TF: variants seen among roughly 807,000 people sequenced by gnomAD.
TF encodes the protein transferrin.
A neutral mutation model predicts 82.4 loss-of-function variants in TF; 55 were observed. That is an observed-to-expected ratio of 0.67 (90% CI 0.54 to 0.84). The LOEUF (loss-of-function observed/expected upper bound fraction) is 0.84, where lower values mean the gene tolerates loss of function less well. Among genes scored for constraint, TF ranks in the 40% least tolerant of loss-of-function variants. The pLI, the probability that TF is intolerant of heterozygous loss-of-function variation, is 0.00. For synonymous variants in TF, 332 were observed against 332.6 expected, an observed-to-expected ratio of 1.00 and a Z score of 0.02; for missense variants, 737 against 868.4, an observed-to-expected ratio of 0.85 and a Z score of 1.90.
At chr3:133,689,546 C>A in the TF span, among the ~76,000 whole-genome samples, 2 of 151,812 alleles carry the variant, frequency 1.3e-5, no homozygotes, top group African/African-American at 4.8e-5. Flanking sequence ...TTATAAAATT[C>A]TTGAGAAAAA....
rs1357076376 is a variant in TF, at chr3:133,792,582, A to G, written c.*13962A>G. The G allele has an allele frequency of 6.6e-6, 1 of 152,216 alleles. No individual in the cohort carries two copies. Among genetic ancestry groups the G allele is most frequent in the African/African-American group, 2.4e-5 (1 of 41,456 alleles). 9.4% of individuals were successfully genotyped at this position (152,216 alleles called of 1,614,324 possible). A position where few individuals can be genotyped will look rare whatever the true frequency, so the allele number is the denominator to read the frequency against. On this transcript the variant is annotated 3_prime_UTR_variant, in exon 17 of 17. Transcript: ENST00000402696. ...AAATCCTTAACTTACCAAAGTTTTC[A>G]CCAAAAGTAAAACTCGCTAAGAGTT... is the stretch of plus-strand genomic sequence containing the variant.
intron 3 of TF, among the ~76,000 whole-genome samples, chr3:133,754,276 C>G (rs1040237170): frequency 2.0e-5 from 3 of 152,158 alleles, no homozygotes; most frequent in African/African-American, 7.2e-5. Flanking sequence ...GCCTTCTTGC[C>G]CCTGTTTGCC....
rs924403908 is a variant in TF at position 133,788,880 on chromosome 3, A to G, written c.*10260A>G. The G allele has an allele frequency of 2.0e-5, 3 of 152,226 alleles. No homozygotes were observed. Among genetic ancestry groups the G allele is most frequent in the African/African-American group, 7.2e-5 (3 of 41,460 alleles). The allele number at this position is 152,226 out of a possible 1,614,324, so 9.4% of individuals were successfully genotyped here. On this transcript the variant is annotated 3_prime_UTR_variant, in exon 17 of 17. Coordinates refer to ENST00000402696, the MANE Select transcript of TF (RefSeq NM_001063.4). ...GGCTAAGGACAAAAGAAGCCTACTCAGCTTCCATTTCCTATCATTACAGTT... is the reference window on the plus strand; with the variant it reads ...GGCTAAGGACAAAAGAAGCCTACTCGGCTTCCATTTCCTATCATTACAGTT...
chr3:133,695,526 G>A, the TF span, among the ~76,000 whole-genome samples: 22,280 of 152,126 alleles, frequency 0.15, 2,167 homozygotes, highest in Middle Eastern at 0.23. Flanking sequence ...GATTACAGGC[G>A]TGAGCCACCA....
the TF span, among the ~76,000 whole-genome samples, chr3:133,731,264 G>A: frequency 6.6e-6 from 1 of 152,166 alleles, no homozygotes; most frequent in Non-Finnish European, 1.5e-5. Flanking sequence ...TGAAGGTCTT[G>A]GGACTTGACC....
In TF at chr3:133,788,262, G is replaced by A. The variant is rs1245791427; in HGVS notation, c.*9642G>A. 6.6e-6 allele frequency: 1 copy of A among 152,188 alleles called. No homozygotes were observed. Among genetic ancestry groups the A allele is most frequent in the Non-Finnish European group, 1.5e-5 (1 of 68,050 alleles). 9.4% of individuals were successfully genotyped at this position (152,188 alleles called of 1,614,324 possible). A position where few individuals can be genotyped will look rare whatever the true frequency, so the allele number is the denominator to read the frequency against. On this transcript the variant is annotated 3_prime_UTR_variant, in exon 17 of 17. Coordinates refer to ENST00000402696, the MANE Select transcript of TF (RefSeq NM_001063.4). ...TCCATTTACATAGGGCGTACATCAAGTAAATGACTAGGGTGTATACTAAGT... is the reference window on the plus strand; with the variant it reads ...TCCATTTACATAGGGCGTACATCAAATAAATGACTAGGGTGTATACTAAGT...
chr3:133,744,644 A>T (rs1933456406), upstream of TF, among the ~76,000 whole-genome samples: 2 of 152,210 alleles, frequency 1.3e-5, no homozygotes, highest in South Asian at 4.1e-4. Flanking sequence ...AAGACAGGGC[A>T]GCAGTGGTCA....
chr3:133,675,242 C>CAAAAAAAAAAAAAAAAAAAAAAAAAA, the TF span, among the ~76,000 whole-genome samples: 1 of 55,450 alleles, frequency 1.8e-5, no homozygotes, highest in Non-Finnish European at 3.2e-5. Flanking sequence ...GAGACTCTGT[C>CAAAAAAAAAAAAAAAAAAAAAAAAAA]AAAAAAAAAA....
In TF at chr3:133,775,576, G is replaced by T. The variant is rs1452737108; in HGVS notation, c.1831G>T (p.Asp611Tyr). 4.3e-6 allele frequency: 7 copies of T among 1,614,132 alleles called. No homozygotes were observed. The East Asian group carries it at 1.6e-4, about 36-fold the overall frequency. The change falls in exon 15 of 17, where the codon GAT (aspartate) becomes TAT (tyrosine). Residue 611 changes from aspartate (D) to tyrosine (Y), a missense_variant. Transcript: ENST00000402696. ...APNHAVVTRKDKEACVHKILR... is the reference protein window; with the variant it reads ...APNHAVVTRKYKEACVHKILR... ...GAATCACGCTGTGGTCACACGGAAA[G>T]ATAAGGAAGCTTGCGTCCACAAGAT...
the TF span, among the ~76,000 whole-genome samples, chr3:133,676,107 C>G: frequency 6.6e-6 from 1 of 152,222 alleles, no homozygotes; most frequent in South Asian, 2.1e-4. Flanking sequence ...GACAGTGCTT[C>G]CAGTACTTTT....
the TF span, among the ~76,000 whole-genome samples, chr3:133,712,211 C>T: frequency 3.4e-4 from 52 of 152,304 alleles, no homozygotes; most frequent in East Asian, 9.5e-3. Flanking sequence ...CTGATTTCCT[C>T]ATGGTGGTGC....
intron 3 of TF, chr3:133,754,031 A>G (rs2107913345): frequency 2.1e-6 from 1 of 475,968 alleles, no homozygotes; most frequent in African/African-American, 2.0e-5. Context: ...CTCTGGAGCC[A>G]TAGGTACCAC....
intron 3 of TF, chr3:133,754,197 G>T: frequency 8.8e-6 from 4 of 453,288 alleles, no homozygotes; most frequent in South Asian, 2.2e-5. Context: ...GGTGGCTGAG[G>T]TTGGTAGGTG....
Position 133,789,961 on chromosome 3 carries a change from A to G in TF, c.*11341A>G, listed in dbSNP as rs939577630. ...TAAATCTTCTGGGTTACTGGCAAAA[A>G]TACGTATGTATTAACTTTGAGGCTC... On this transcript the variant is annotated 3_prime_UTR_variant, in exon 17 of 17. Coordinates refer to ENST00000402696, the MANE Select transcript of TF (RefSeq NM_001063.4). The G allele has an allele frequency of 2.7e-5, 4 of 148,534 alleles. No homozygotes were observed. Among genetic ancestry groups the G allele is most frequent in the Admixed American group, 1.4e-4 (2 of 14,674 alleles). 9.2% of individuals were successfully genotyped at this position (148,534 alleles called of 1,614,324 possible). A position where few individuals can be genotyped will look rare whatever the true frequency, so the allele number is the denominator to read the frequency against.
chr3:133,756,197 G>A, intron 5 of TF, 85 bp from the exon 6 acceptor site: 2 of 1,348,184 alleles, frequency 1.5e-6, no homozygotes, highest in African/African-American at 1.4e-5. Flanking sequence ...CCTAGTGTGA[G>A]TGCTGGACAG....
At chr3:133,732,215 G>A in the TF span, among the ~76,000 whole-genome samples, 85 of 152,326 alleles carry the variant, frequency 5.6e-4, no homozygotes, top group African/African-American at 2.0e-3. Flanking sequence ...ACTCTATGAA[G>A]CAGGCATTAT....
the TF span, among the ~76,000 whole-genome samples, chr3:133,706,388 T>TC: frequency 6.6e-6 from 1 of 152,158 alleles, no homozygotes; most frequent in African/African-American, 2.4e-5. Flanking sequence ...GGCAAGTTCC[T>TC]CCGTTTTGTG....
chr3:133,680,327 T>C, the TF span, among the ~76,000 whole-genome samples: 4 of 152,078 alleles, frequency 2.6e-5, no homozygotes, highest in Non-Finnish European at 5.9e-5. Context: ...CACCTCAGCC[T>C]CCTGAGTAGT....
the TF span, among the ~76,000 whole-genome samples, chr3:133,694,724 C>T: frequency 2.0e-5 from 3 of 152,230 alleles, no homozygotes; most frequent in African/African-American, 7.2e-5. Context: ...GTGCGTACCT[C>T]GCCCCATCTC....
Sources: allele counts gnomAD v4.1 joint callset (sites outside exome capture counted in the v4.1 genomes callset), GRCh38; gene constraint gnomAD v4.1.1; transcripts MANE v1.5; gene names NCBI Gene and HGNC (gene_info 2026-07-23, HGNC 2026-07-21).